ZNF106: variants seen among roughly 807,000 people sequenced by gnomAD.
ZNF106 encodes the protein SH3-domain binding protein 3.
ZNF106 carries 67 observed loss-of-function variants against 195.1 expected under a neutral mutation model. The observed-to-expected ratio is 0.34, with a 90% CI of 0.28 to 0.42. The LOEUF is 0.42. Ranked by LOEUF, ZNF106 falls within the 10% of genes least tolerant of loss-of-function variation. ZNF106 has a pLI of 1.00. For missense variants in ZNF106, 2,118 were observed against 2,304.5 expected (o/e 0.92, Z 1.66); for synonymous variants, 784 against 818.6 (o/e 0.96, Z 0.72).
chr15:42,442,614 CTTTT>C (rs1209709879), intron 9 of ZNF106, among the ~76,000 whole-genome samples, 200 bp from the exon 10 acceptor site: 6 of 123,604 alleles, frequency 4.9e-5, no homozygotes, highest in African/African-American at 6.0e-5. Flanking sequence ...CATCAACATT[CTTTT>C]TTTTTTTTTT....
In ZNF106 at chr15:42,429,141, A is replaced by C. The variant is rs1024604147; in HGVS notation, c.4882-1007T>G. On this transcript the variant is annotated intron_variant, in intron 14 of 21. Transcript: ENST00000564754. ...CAAGAATTGGGACAGGACATAGTAA[A>C]TTCAAAATTTGTTGTTGAGGCCGGA... Among the ~76,000 whole-genome samples, 4 of 151,644 alleles carry C rather than the reference A, an allele frequency of 2.6e-5. 1 individual carries two copies. The highest frequency in any genetic ancestry group is 9.7e-5 in the African/African-American group (4 of 41,106).
At chr15:42,444,391 C>T (rs2055684796) in intron 8 of ZNF106, 129 bp from the exon 9 acceptor site, 1 of 674,050 alleles carries the variant, frequency 1.5e-6, no homozygotes, top group South Asian at 2.1e-5. Context: ...CAGCCAGCCG[C>T]AGGTTTTCTC....
At chr15:42,443,882 G>A (rs2055654493) in intron 9 of ZNF106, among the ~76,000 whole-genome samples, 1 of 151,958 alleles carries the variant, frequency 6.6e-6, no homozygotes, top group African/African-American at 2.4e-5. Flanking sequence ...TGAGGCAGGC[G>A]GATCACCTGA....
intron 1 of ZNF106, among the ~76,000 whole-genome samples, chr15:42,475,754 C>T (rs535187304): frequency 4.6e-5 from 7 of 152,098 alleles, no homozygotes; most frequent in Non-Finnish European, 7.4e-5. Context: ...AAGCACTATT[C>T]TAAGGGTTGG....
intron 1 of ZNF106, among the ~76,000 whole-genome samples, chr15:42,476,567 C>G (rs1211380829): frequency 6.6e-6 from 1 of 152,172 alleles, no homozygotes; most frequent in South Asian, 2.1e-4. Flanking sequence ...TCCCAAAGTG[C>G]TGGGATTACA....
At chr15:42,470,514 T>C (rs1368708597) in intron 2 of ZNF106, among the ~76,000 whole-genome samples, 1 of 152,102 alleles carries the variant, frequency 6.6e-6, no homozygotes, top group African/African-American at 2.4e-5. Flanking sequence ...TTTCCTTTTT[T>C]TAAAAAAAAG....
At chr15:42,452,090 T>C (rs1163581967) in intron 4 of ZNF106, 136 bp from the exon 5 acceptor site, 2 of 850,360 alleles carry the variant, frequency 2.4e-6, no homozygotes, top group African/African-American at 1.7e-5. Flanking sequence ...TTATATCTAA[T>C]AGTGGTTGTT....
At chr15:42,477,491 T>C (rs1235587258) in intron 1 of ZNF106, among the ~76,000 whole-genome samples, 3 of 152,224 alleles carry the variant, frequency 2.0e-5, no homozygotes, top group African/African-American at 7.2e-5. Flanking sequence ...CGTCAGTAGC[T>C]CACGTCTGTA....
intron 1 of ZNF106, among the ~76,000 whole-genome samples, chr15:42,478,818 T>C (rs1346317818): frequency 6.6e-6 from 1 of 152,038 alleles, no homozygotes; most frequent in East Asian, 1.9e-4. Flanking sequence ...AGCCCAGATG[T>C]CCTCATTCTT....
intron 10 of ZNF106, among the ~76,000 whole-genome samples, chr15:42,440,994 AAAAAATAT>A (rs1236473901): frequency 1.8e-5 from 1 of 54,476 alleles, no homozygotes; most frequent in Non-Finnish European, 2.8e-5. Flanking sequence ...AAAAAAAAAA[AAAAAATAT>A]ATATATATAT....
rs960939142 is a variant in ZNF106, at chr15:42,480,847, T to C, written c.-32-8526A>G. 2.0e-5 allele frequency among the ~76,000 whole-genome samples: 3 copies of C among 152,092 alleles called. No individual in the cohort carries two copies. In the South Asian group the frequency reaches 6.2e-4, roughly 32 times the overall value. On this transcript the variant is annotated intron_variant, in intron 1 of 21. Coordinates refer to ENST00000564754, the MANE Select transcript of ZNF106 (RefSeq NM_001366845.3). ...TGAAAATACAAAAATTAGCTGGGCG[T>C]GGTGGCAGGCACCTGTACTCCCAGC... is the stretch of plus-strand genomic sequence containing the variant.
At chr15:42,436,355 T>A (rs1011650904) in intron 13 of ZNF106, among the ~76,000 whole-genome samples, 7 of 152,194 alleles carry the variant, frequency 4.6e-5, no homozygotes, top group Admixed American at 6.5e-5. Flanking sequence ...TATTTTGATA[T>A]CCTGTTCCCC....
rs1265353835 is a variant in ZNF106 at position 42,417,126 on chromosome 15, C to T, written c.*178G>A. The T allele has an allele frequency of 6.6e-6, 4 of 603,234 alleles. No homozygotes were observed. The African/African-American group carries it at 7.5e-5, about 11-fold the overall frequency. 37.4% of individuals were successfully genotyped at this position (603,234 alleles called of 1,614,324 possible). ...ATCTATTTAAAACCTCCAGCAAGAA[C>T]TTAAAAGTGTAATTTATCATCCCAT... On this transcript the variant is annotated 3_prime_UTR_variant, in exon 22 of 22. Coordinates refer to ENST00000564754, the MANE Select transcript of ZNF106 (RefSeq NM_001366845.3).
rs1481971702 is a variant in ZNF106 at position 42,424,177 on chromosome 15, A to C, written c.5191-117T>G. On this transcript the variant is annotated intron_variant, in intron 16 of 21. Coordinates refer to ENST00000564754, the MANE Select transcript of ZNF106 (RefSeq NM_001366845.3). ...TCCTATTTTGAGATGAGCACGATGA[A>C]CTAGGTATAAAAGTTTCTCAGATGA... The C allele has an allele frequency of 6.1e-6, 5 of 823,754 alleles. No homozygotes were observed. The Admixed American group carries it at 1.3e-4, about 21-fold the overall frequency. The allele number at this position is 823,754 out of a possible 1,614,324, so 51.0% of individuals were successfully genotyped here.
At chr15:42,436,101 C>T (rs1439579041) in intron 13 of ZNF106, among the ~76,000 whole-genome samples, 1 of 151,952 alleles carries the variant, frequency 6.6e-6, no homozygotes, top group East Asian at 1.9e-4. Flanking sequence ...CTACAGGTGC[C>T]CGCCACCACC....
At position 42,415,985 on chromosome 15, in the gene ZNF106, G is replaced by C. The variant is rs1237743184; in HGVS notation, c.*1319C>G. ...AGCCTCAGGTGATCTGCCTGCCTCA[G>C]CCTCCCAAAGTGCTGGGATTACAGG... On this transcript the variant is annotated 3_prime_UTR_variant, in exon 22 of 22. Coordinates refer to ENST00000564754, the MANE Select transcript of ZNF106 (RefSeq NM_001366845.3). 1 of 152,698 alleles carries C rather than the reference G, an allele frequency of 6.5e-6. No individual in the cohort carries two copies. Among genetic ancestry groups the C allele is most frequent in the Non-Finnish European group, 1.5e-5 (1 of 68,442 alleles). The allele number at this position is 152,698 out of a possible 1,614,324, so 9.5% of individuals were successfully genotyped here.
intron 14 of ZNF106, among the ~76,000 whole-genome samples, chr15:42,433,175 G>T (rs1188581878): frequency 6.6e-6 from 1 of 151,676 alleles, no homozygotes; most frequent in Non-Finnish European, 1.5e-5. Flanking sequence ...GCGCAATCTC[G>T]GCTCACTGCA....
At chr15:42,457,698 A>G in intron 3 of ZNF106, 1 of 268,172 alleles carries the variant, frequency 3.7e-6, no homozygotes, top group Non-Finnish European at 5.8e-6. Context: ...GGACCCCAGG[A>G]GTAGTCCAGG....
intron 3 of ZNF106, among the ~76,000 whole-genome samples, chr15:42,465,032 T>C (rs539282311): frequency 2.8e-4 from 43 of 152,340 alleles, no homozygotes; most frequent in African/African-American, 8.4e-4. Context: ...CTCTTCTTTA[T>C]AAATTACCCA....
Sources: allele counts gnomAD v4.1 joint callset (sites outside exome capture counted in the v4.1 genomes callset), GRCh38; gene constraint gnomAD v4.1.1; transcripts MANE v1.5; gene names NCBI Gene and HGNC (gene_info 2026-07-23, HGNC 2026-07-21).